DPP6: variants seen among roughly 807,000 people sequenced by gnomAD.
The protein encoded by DPP6 is dipeptidyl peptidase like 6.
Under a neutral mutation model 122.6 loss-of-function variants are expected in DPP6, and 69 were observed. The ratio of observed to expected loss-of-function variants is 0.56; its 90% CI spans 0.46 to 0.69. DPP6 has a LOEUF of 0.69. Ranked by LOEUF, DPP6 falls within the 30% of genes least tolerant of loss-of-function variation. The pLI, the probability that DPP6 is intolerant of heterozygous loss-of-function variation, is 0.00. For synonymous variants in DPP6, 418 were observed against 433.1 expected (o/e 0.97, Z 0.43); for missense variants, 928 against 1,116.9 (o/e 0.83, Z 2.41).
chr7:153,780,654 T>C, the DPP6 span, among the ~76,000 whole-genome samples: 1 of 152,120 alleles, frequency 6.6e-6, no homozygotes. Context: ...CTGGGGAAAA[T>C]AGGAGTAAAT....
At chr7:154,720,062 A>C (rs981500072) in intron 7 of DPP6, among the ~76,000 whole-genome samples, 3 of 152,188 alleles carry the variant, frequency 2.0e-5, no homozygotes, top group African/African-American at 7.2e-5. Flanking sequence ...CAGCATAAAC[A>C]CAGAAGGTCT....
At chr7:154,555,546 A>G (rs143401901) in intron 4 of DPP6, among the ~76,000 whole-genome samples, 2,678 of 152,178 alleles carry the variant, frequency 0.018, 73 homozygotes, top group African/African-American at 0.058. Context: ...CAGCACACCA[A>G]CATGGCACAT....
rs375084551 is a variant in DPP6 at position 154,807,130 on chromosome 7, C to T, written c.1666+18C>T. On this transcript the variant is annotated intron_variant, in intron 16 of 25. Coordinates refer to ENST00000377770, the MANE Select transcript of DPP6 (RefSeq NM_130797.4). ...GTGCGAAGGTCAGCTCCTGCCACCC[C>T]GTCAGGGCAAAGAGCCCTGGCAGGC... 17 of 1,609,680 alleles carry T rather than the reference C, an allele frequency of 1.1e-5. No individual in the cohort carries two copies. The highest frequency in any genetic ancestry group is 1.7e-4 in the Middle Eastern group (1 of 6,052).
the DPP6 span, among the ~76,000 whole-genome samples, chr7:153,821,841 T>G: frequency 6.6e-6 from 1 of 151,640 alleles, no homozygotes; most frequent in Non-Finnish European, 1.5e-5. Flanking sequence ...AAGATGCTTC[T>G]TTTTCCACCT....
At chr7:153,955,868 C>T (rs1226232579) in intron 1 of DPP6, among the ~76,000 whole-genome samples, 1 of 152,170 alleles carries the variant, frequency 6.6e-6, no homozygotes, top group Non-Finnish European at 1.5e-5. Context: ...ACACTCTTAA[C>T]CCATGTGCAC....
At chr7:154,350,771 T>G (rs997169432) in intron 1 of DPP6, among the ~76,000 whole-genome samples, 1 of 152,132 alleles carries the variant, frequency 6.6e-6, no homozygotes. Context: ...TTAATAATCA[T>G]AGGGCAGCTG....
intron 1 of DPP6, among the ~76,000 whole-genome samples, chr7:153,985,115 T>G (rs1796776820): frequency 6.6e-6 from 1 of 152,262 alleles, no homozygotes; most frequent in South Asian, 2.1e-4. Context: ...TGTACCTATT[T>G]GCCCATGTGA....
rs140873724 is a variant in DPP6, at chr7:154,767,932, C to T, written c.884-1485C>T. On this transcript the variant is annotated intron_variant, in intron 8 of 25. Transcript: ENST00000377770. ...TCTGACCAAGGCAAGATGAGGAAGA[C>T]TCACGTGACAGGGGAGCGAGGCTCA... 8.6e-4 allele frequency among the ~76,000 whole-genome samples: 131 copies of T among 152,306 alleles called. No individual in the cohort carries two copies. The East Asian group carries it at 0.022, about 26-fold the overall frequency.
rs1371779499 is a variant in DPP6, at chr7:154,760,505, A to C, written c.884-8912A>C. 6.6e-6 allele frequency among the ~76,000 whole-genome samples: 1 copy of C among 152,174 alleles called. No homozygotes were observed. Among genetic ancestry groups the C allele is most frequent in the Admixed American group, 6.5e-5 (1 of 15,284 alleles). On this transcript the variant is annotated intron_variant, in intron 8 of 25. Coordinates refer to ENST00000377770, the MANE Select transcript of DPP6 (RefSeq NM_130797.4). This position sits in a 1 kb window ranked among gnomAD's most constrained non-coding sequence, Gnocchi z 4.5. ...CAGGTTGTTTCTATTCTTGTCTGCC[A>C]TTCTGCGAGCTCAAGAACTTCTGTT...
the DPP6 span, among the ~76,000 whole-genome samples, chr7:153,761,864 C>T: frequency 2.0e-5 from 3 of 152,068 alleles, no homozygotes; most frequent in African/African-American, 7.2e-5. Context: ...TTAATGAGTC[C>T]GTGTGTGCAC....
rs554063148 is a variant in DPP6, at chr7:154,637,940, C to T, written c.680+67C>T. The T allele has an allele frequency of 3.4e-5, 52 of 1,513,424 alleles. No individual in the cohort carries two copies. In the East Asian group the frequency reaches 1.1e-3, roughly 31 times the overall value. The allele number at this position is 1,513,424 out of a possible 1,614,324, so 93.7% of individuals were successfully genotyped here. On this transcript the variant is annotated intron_variant, in intron 6 of 25. Coordinates refer to ENST00000377770, the MANE Select transcript of DPP6 (RefSeq NM_130797.4). ...GGCAAAGTGAAGGGTAGAACATGGA[C>T]GAGCTGTTTAACCCTTAGGGCGGGA...
chr7:154,306,657 T>C (rs1488802359), intron 1 of DPP6, among the ~76,000 whole-genome samples: 4 of 152,218 alleles, frequency 2.6e-5, no homozygotes, highest in Non-Finnish European at 5.9e-5. Flanking sequence ...GTGGGGTCAT[T>C]TCCCAAAGCC....
intron 10 of DPP6, among the ~76,000 whole-genome samples, chr7:154,786,286 G>A (rs1797329443): frequency 6.6e-6 from 1 of 152,166 alleles, no homozygotes; most frequent in African/African-American, 2.4e-5. Context: ...GTCAAAGCTA[G>A]AGGGTATAGC....
intron 3 of DPP6, among the ~76,000 whole-genome samples, chr7:154,538,552 T>C (rs1362494298): frequency 6.6e-6 from 1 of 151,896 alleles, no homozygotes; most frequent in Non-Finnish European, 1.5e-5. Flanking sequence ...CGTGAGGGGG[T>C]GTCAAAGGTA....
At chr7:154,117,919 C>G (rs1807116860) in intron 1 of DPP6, among the ~76,000 whole-genome samples, 1 of 152,194 alleles carries the variant, frequency 6.6e-6, no homozygotes, top group South Asian at 2.1e-4. Flanking sequence ...AGACTGAGGA[C>G]TGAAACACAA....
chr7:154,482,139 G>A (rs1045530172), intron 3 of DPP6, among the ~76,000 whole-genome samples: 2 of 152,204 alleles, frequency 1.3e-5, no homozygotes, highest in Admixed American at 6.5e-5. Flanking sequence ...TTCTCTGGGG[G>A]AAAGCCTTCC....
chr7:153,872,566 G>A, the DPP6 span, among the ~76,000 whole-genome samples: 1 of 152,264 alleles, frequency 6.6e-6, no homozygotes, highest in African/African-American at 2.4e-5. Flanking sequence ...AACATATACT[G>A]AATGCTTACT....
intron 21 of DPP6, among the ~76,000 whole-genome samples, chr7:154,883,006 C>T (rs7797669): frequency 0.07 from 10,697 of 151,898 alleles, 831 homozygotes; most frequent in African/African-American, 0.19. Flanking sequence ...CTCACAGACT[C>T]ACATACACAT....
At chr7:154,339,137 A>C (rs913419598) in intron 1 of DPP6, among the ~76,000 whole-genome samples, 1 of 152,242 alleles carries the variant, frequency 6.6e-6, no homozygotes, top group Non-Finnish European at 1.5e-5. Context: ...CATGTAATCA[A>C]CATTCATAGA....
Sources: allele counts gnomAD v4.1 joint callset (sites outside exome capture counted in the v4.1 genomes callset), GRCh38; gene constraint gnomAD v4.1.1; non-coding constraint Gnocchi (gnomAD v3.1); transcripts MANE v1.5; gene names NCBI Gene and HGNC (gene_info 2026-07-23, HGNC 2026-07-21).